GALNTL6: variants seen among roughly 807,000 people sequenced by gnomAD.
The protein encoded by GALNTL6 is polypeptide N-acetylgalactosaminyltransferase like 6, also known as polypeptide N-acetylgalactosaminyltransferase-like 6.
GALNTL6 carries 46 observed loss-of-function variants against 73.7 expected under a neutral mutation model. The ratio of observed to expected loss-of-function variants is 0.62; its 90% CI spans 0.49 to 0.80. GALNTL6 has a LOEUF of 0.80. GALNTL6 is among the 30% of genes least tolerant of loss of function. The probability of loss-of-function intolerance (pLI) is 0.00; values close to 1 mark genes in which losing one functional copy is unlikely to be tolerated. For synonymous variants in GALNTL6, 259 were observed against 263.7 expected, an observed-to-expected ratio of 0.98 and a Z score of 0.17; for missense variants, 604 against 755.0, an observed-to-expected ratio of 0.80 and a Z score of 2.34.
At chr4:171,847,709 ACT>A (rs1057006599) in intron 2 of GALNTL6, among the ~76,000 whole-genome samples, 3 of 151,956 alleles carry the variant, frequency 2.0e-5, no homozygotes, top group South Asian at 2.1e-4. Flanking sequence ...CAAAAGAAAC[ACT>A]CTCTCTCTGC....
chr4:172,546,504 A>G (rs1169172817), intron 5 of GALNTL6, among the ~76,000 whole-genome samples: 1 of 151,770 alleles, frequency 6.6e-6, no homozygotes, highest in Non-Finnish European at 1.5e-5. Flanking sequence ...TTAAAAAAAA[A>G]AAAGACTGCT....
Position 172,435,426 on chromosome 4 carries a change from C to T in GALNTL6, c.553+86737C>T, listed in dbSNP as rs184031679. 9.9e-5 allele frequency among the ~76,000 whole-genome samples: 15 copies of T among 152,234 alleles called. No homozygotes were observed. In the East Asian group the frequency reaches 1.9e-3, roughly 20 times the overall value. On this transcript the variant is annotated intron_variant, in intron 5 of 12. Transcript: ENST00000506823. ...TGAAGATGCTGTAGAAAACCCAGAT[C>T]GAATTTTTCAACCCTTGCAGTCCTG...
intron 4 of GALNTL6, among the ~76,000 whole-genome samples, chr4:172,341,293 T>C (rs1268388286): frequency 1.3e-5 from 2 of 150,008 alleles, no homozygotes; most frequent in Non-Finnish European, 3.0e-5. Context: ...CTACTAAAAA[T>C]ACAAAAAATT....
chr4:172,029,408 A>C (rs1225938494), intron 2 of GALNTL6, among the ~76,000 whole-genome samples: 1 of 152,072 alleles, frequency 6.6e-6, no homozygotes, highest in African/African-American at 2.4e-5. Flanking sequence ...TGGCTACATA[A>C]AAATTTGATT....
intron 2 of GALNTL6, among the ~76,000 whole-genome samples, chr4:172,228,911 A>G (rs767335051): frequency 1.3e-5 from 2 of 152,204 alleles, no homozygotes; most frequent in African/African-American, 4.8e-5. Flanking sequence ...AGCATAAACT[A>G]TATTTTGTGA....
At chr4:171,850,645 G>A (rs1207823152) in intron 2 of GALNTL6, among the ~76,000 whole-genome samples, 1 of 152,100 alleles carries the variant, frequency 6.6e-6, no homozygotes, top group Non-Finnish European at 1.5e-5. Flanking sequence ...ATTTCATTAC[G>A]ACAAAGAGTA....
chr4:172,090,459 A>G (rs769646238), intron 2 of GALNTL6, among the ~76,000 whole-genome samples: 2 of 152,160 alleles, frequency 1.3e-5, no homozygotes, highest in Non-Finnish European at 2.9e-5. Flanking sequence ...CAGTTATGAT[A>G]AGCATTTTTT....
At chr4:172,052,429 C>A (rs1505495) in intron 2 of GALNTL6, 1,290,031 of 1,532,264 alleles carry the variant, frequency 0.84, 545,323 homozygotes, top group Non-Finnish European at 0.86. Context: ...TTTACCCCAA[C>A]CCATTCACCA....
chr4:172,217,559 C>T (rs1736533861), intron 2 of GALNTL6, among the ~76,000 whole-genome samples: 1 of 152,188 alleles, frequency 6.6e-6, no homozygotes, highest in Non-Finnish European at 1.5e-5. Context: ...ATAAAGCCAT[C>T]AAAATAATTC....
At chr4:172,956,610 C>T (rs963147976) in intron 10 of GALNTL6, among the ~76,000 whole-genome samples, 1 of 152,152 alleles carries the variant, frequency 6.6e-6, no homozygotes, top group African/African-American at 2.4e-5. Context: ...GTAGGGATGA[C>T]AAGTTTTTTG....
intron 5 of GALNTL6, among the ~76,000 whole-genome samples, chr4:172,534,614 G>C (rs1735280630): frequency 6.6e-6 from 1 of 152,002 alleles, no homozygotes; most frequent in African/African-American, 2.4e-5. Flanking sequence ...TATTGCCTAG[G>C]TTGGAGTTCA....
chr4:171,984,499 A>T (rs1250160586), intron 2 of GALNTL6, among the ~76,000 whole-genome samples: 3 of 152,062 alleles, frequency 2.0e-5, no homozygotes, highest in African/African-American at 7.2e-5. Context: ...AACTCTCCAG[A>T]TGGGAGAGAG....
chr4:172,028,113 T>A (rs1199953677), intron 2 of GALNTL6, among the ~76,000 whole-genome samples: 1 of 152,074 alleles, frequency 6.6e-6, no homozygotes, highest in African/African-American at 2.4e-5. Flanking sequence ...GAAGTGGCCA[T>A]CTAGGATTTT....
intron 2 of GALNTL6, among the ~76,000 whole-genome samples, chr4:171,921,552 G>T (rs936347798): frequency 2.6e-5 from 4 of 152,088 alleles, no homozygotes; most frequent in Non-Finnish European, 2.9e-5. Flanking sequence ...TCTAGTTAAT[G>T]AAACATATGA....
At chr4:172,465,203 C>T (rs150749556) in intron 5 of GALNTL6, among the ~76,000 whole-genome samples, 57 of 152,268 alleles carry the variant, frequency 3.7e-4, no homozygotes, top group African/African-American at 1.3e-3. Flanking sequence ...ACTGGCAGCG[C>T]GCGGTGGCTC....
chr4:172,700,680 T>TA (rs1266656277), intron 5 of GALNTL6, among the ~76,000 whole-genome samples: 1 of 152,180 alleles, frequency 6.6e-6, no homozygotes, highest in African/African-American at 2.4e-5. Flanking sequence ...TCATCACTTA[T>TA]TACTTTGCTC....
intron 2 of GALNTL6, among the ~76,000 whole-genome samples, chr4:172,124,417 T>A (rs1285472304): frequency 1.3e-5 from 2 of 152,158 alleles, no homozygotes; most frequent in African/African-American, 4.8e-5. Flanking sequence ...CTGAGGAAGC[T>A]CATCAAAGAT....
At chr4:171,925,829 T>C (rs1737960872) in intron 2 of GALNTL6, among the ~76,000 whole-genome samples, 1 of 152,142 alleles carries the variant, frequency 6.6e-6, no homozygotes, top group Non-Finnish European at 1.5e-5. Context: ...TAAAAATAAA[T>C]ATTTCTTTTA....
At chr4:172,160,685 G>C (rs903926302) in intron 2 of GALNTL6, among the ~76,000 whole-genome samples, 37 of 151,940 alleles carry the variant, frequency 2.4e-4, no homozygotes, top group African/African-American at 8.7e-4. Flanking sequence ...AAGAGGATTA[G>C]AAACACTAAT....
Sources: gnomAD v4.1 joint callset for allele counts (sites outside exome capture counted in the v4.1 genomes callset) on GRCh38, gnomAD v4.1.1 for gene constraint, MANE v1.5 for transcripts, NCBI Gene and HGNC (gene_info 2026-07-23, HGNC 2026-07-21) for gene names.